The following KANK1 variants were observed in gnomAD, a reference collection of about 807,000 sequenced individuals.
KANK1 encodes KN motif and ankyrin repeat domains 1.
In KANK1, 109 loss-of-function variants were observed where a neutral mutation model predicts 106.2. That is an observed-to-expected ratio of 1.03 (90% CI 0.88 to 1.20). The LOEUF is 1.20. KANK1 is among the 50% of genes most tolerant of loss of function. KANK1 has a pLI of 0.00. For missense variants in KANK1, 2,399 were observed against 1,710.7 expected, an observed-to-expected ratio of 1.40 and a Z score of -7.10; for synonymous variants, 873 against 652.2, an observed-to-expected ratio of 1.34 and a Z score of -5.16.
chr9:554,764 A>G (rs142932802), intron 1 of KANK1, among the ~76,000 whole-genome samples: 4 of 152,340 alleles, frequency 2.6e-5, no homozygotes, highest in African/African-American at 9.6e-5. Context: ...GTAAATGGAA[A>G]TGCCACTACT....
intron 1 of KANK1, among the ~76,000 whole-genome samples, chr9:626,900 G>C (rs993519642): frequency 1.3e-5 from 2 of 152,186 alleles, no homozygotes; most frequent in African/African-American, 4.8e-5. Flanking sequence ...ATAGAAGACA[G>C]GCGGCTGCTA....
chr9:681,830 T>G (rs72691398), intron 2 of KANK1, among the ~76,000 whole-genome samples: 2,785 of 152,300 alleles, frequency 0.018, 105 homozygotes, highest in African/African-American at 0.063. Flanking sequence ...GGTGACTTTT[T>G]ATGCCTGCTC....
At chr9:488,186 T>C (rs1287020732) in intron 3 of KANK1, among the ~76,000 whole-genome samples, 3 of 152,166 alleles carry the variant, frequency 2.0e-5, no homozygotes, top group Non-Finnish European at 4.4e-5. Context: ...TGTTGGGGTA[T>C]GGTTCTTGGG....
rs796882995 is a variant in KANK1, at chr9:684,658, A to G, written c.37+7649A>G. 8 of 830,430 alleles carry G rather than the reference A, an allele frequency of 9.6e-6. No homozygotes were observed. In the African/African-American group the frequency reaches 1.3e-4, roughly 13 times the overall value. 51.4% of individuals were successfully genotyped at this position (830,430 alleles called of 1,614,324 possible). A position where few individuals can be genotyped will look rare whatever the true frequency, so the allele number is the denominator to read the frequency against. ...TGGGCTAGCTGAGCCCATCAAAGGT[A>G]TAGCTCATTTGCTTCCTTTTCCAGG... On this transcript the variant is annotated intron_variant, in intron 2 of 11. Coordinates refer to ENST00000382297, the MANE Select transcript of KANK1 (RefSeq NM_015158.5).
chr9:704,311 G>A (rs1412093976), intron 2 of KANK1, among the ~76,000 whole-genome samples: 1 of 152,154 alleles, frequency 6.6e-6, no homozygotes, highest in East Asian at 1.9e-4. Flanking sequence ...AGTCCTTTGA[G>A]GCCCAAGTTC....
intron 1 of KANK1, among the ~76,000 whole-genome samples, chr9:651,381 A>C (rs1357757282): frequency 6.6e-6 from 1 of 152,172 alleles, no homozygotes; most frequent in East Asian, 1.9e-4. Context: ...TGGCTGTGTT[A>C]ATTTCTGCTT....
chr9:646,118 C>G (rs1285323206), intron 1 of KANK1, among the ~76,000 whole-genome samples: 1 of 150,694 alleles, frequency 6.6e-6, no homozygotes, highest in Non-Finnish European at 1.5e-5. Context: ...TTTAGGATAC[C>G]TATTTTGACA....
At chr9:684,243 G>C (rs1563982962) in intron 2 of KANK1, 15 of 985,276 alleles carry the variant, frequency 1.5e-5, no homozygotes, top group Non-Finnish European at 1.8e-5. Flanking sequence ...TAGCTCTCCA[G>C]CTAAGCCAAG....
chr9:560,823 C>G (rs529493268), intron 1 of KANK1, among the ~76,000 whole-genome samples: 1 of 151,570 alleles, frequency 6.6e-6, no homozygotes, highest in East Asian at 1.9e-4. Flanking sequence ...TCAACATGAA[C>G]AAATACACAA....
intron 2 of KANK1, among the ~76,000 whole-genome samples, chr9:695,846 C>CA (rs1219544481): frequency 2.0e-5 from 3 of 152,182 alleles, no homozygotes; most frequent in African/African-American, 7.2e-5. Flanking sequence ...CAAACCCAGG[C>CA]AGTCTGGCCC....
In KANK1 at chr9:710,713, C is replaced by G. The variant is rs72693427; in HGVS notation, c.38-91C>G. The G allele has an allele frequency of 8.8e-4, 1,051 of 1,200,360 alleles. 6 individuals are homozygous for G. The African/African-American group carries it at 0.014, about 16-fold the overall frequency. The allele number at this position is 1,200,360 out of a possible 1,614,324, so 74.4% of individuals were successfully genotyped here. ...AGGTGTGTCAACTCTTAAAATCATA[C>G]CAGCTTGCTGTACTGCAACAAACAC... On this transcript the variant is annotated intron_variant, in intron 2 of 11. Coordinates refer to ENST00000382297, the MANE Select transcript of KANK1 (RefSeq NM_015158.5).
intron 3 of KANK1, among the ~76,000 whole-genome samples, chr9:479,039 C>G (rs1249306863): frequency 6.6e-6 from 1 of 151,932 alleles, no homozygotes; most frequent in East Asian, 1.9e-4. Flanking sequence ...TGTTCAGCCT[C>G]CTGAGTAGCT....
intron 1 of KANK1, among the ~76,000 whole-genome samples, chr9:592,448 G>A (rs1345638521): frequency 6.6e-6 from 1 of 150,398 alleles, no homozygotes; most frequent in East Asian, 2.0e-4. Flanking sequence ...CAGGGCCACA[G>A]CTGCTATGAC....
chr9:687,902 T>A (rs965168230), intron 2 of KANK1, among the ~76,000 whole-genome samples: 2 of 152,234 alleles, frequency 1.3e-5, no homozygotes, highest in African/African-American at 4.8e-5. Context: ...AAGAATCATG[T>A]CATCTTCTTC....
At chr9:689,185 C>A (rs1011789115) in intron 2 of KANK1, among the ~76,000 whole-genome samples, 1 of 152,098 alleles carries the variant, frequency 6.6e-6, no homozygotes, top group Non-Finnish European at 1.5e-5. Flanking sequence ...AAGGTAATAA[C>A]CATGGGGCAA....
At chr9:718,574 TATTGGG>T (rs940632511) in intron 3 of KANK1, among the ~76,000 whole-genome samples, 41 of 151,896 alleles carry the variant, frequency 2.7e-4, no homozygotes, top group African/African-American at 9.9e-4. Context: ...CCTCCCAAAT[TATTGGG>T]ATTACAGGTG....
chr9:649,582 G>A (rs1840435872), intron 1 of KANK1, among the ~76,000 whole-genome samples: 1 of 152,172 alleles, frequency 6.6e-6, no homozygotes, highest in Non-Finnish European at 1.5e-5. Flanking sequence ...GTTTCCTAAT[G>A]AGCTGTTAAA....
intron 1 of KANK1, among the ~76,000 whole-genome samples, chr9:560,554 C>A (rs1244731326): frequency 6.6e-6 from 1 of 152,168 alleles, no homozygotes; most frequent in East Asian, 1.9e-4. Flanking sequence ...TTTGAAGACT[C>A]ATGTTTTCAC....
At chr9:691,561 G>A (rs1002143120) in intron 2 of KANK1, among the ~76,000 whole-genome samples, 2 of 148,178 alleles carry the variant, frequency 1.3e-5, no homozygotes, top group African/African-American at 5.0e-5. Context: ...GCACCCAGCC[G>A]ATATTAAATC....
Sources: allele counts gnomAD v4.1 joint callset (sites outside exome capture counted in the v4.1 genomes callset), GRCh38; gene constraint gnomAD v4.1.1; transcripts MANE v1.5; gene names NCBI Gene and HGNC (gene_info 2026-07-23, HGNC 2026-07-21).